The following CD99L2 variants were observed in gnomAD, a reference collection of about 807,000 sequenced individuals.
CD99L2 encodes the protein CD99 antigen-like protein 2.
In CD99L2, 24 loss-of-function variants were observed where a neutral mutation model predicts 27.3. That is an observed-to-expected ratio of 0.88 (90% CI 0.64 to 1.24). The LOEUF is 1.24. Among genes scored for constraint, CD99L2 ranks in the 50% most tolerant of loss-of-function variants. The probability of loss-of-function intolerance (pLI) is 0.00; values close to 1 mark genes in which losing one functional copy is unlikely to be tolerated. For synonymous variants in CD99L2, 97 were observed against 87.9 expected, an observed-to-expected ratio of 1.10 and a Z score of -0.58; for missense variants, 255 against 221.6, an observed-to-expected ratio of 1.15 and a Z score of -0.96.
At chrX:150,791,177 T>C (rs1349003187) in intron 7 of CD99L2, among the ~76,000 whole-genome samples, 3 of 112,162 alleles carry the variant, frequency 2.7e-5, no homozygotes, top group Non-Finnish European at 5.6e-5. Context: ...GTTGCTTAAT[T>C]ATCACCCAGT....
At chrX:150,835,193 TTAA>T (rs1239669778) in intron 1 of CD99L2, among the ~76,000 whole-genome samples, 6 of 111,948 alleles carry the variant, frequency 5.4e-5, no homozygotes, top group Non-Finnish European at 9.4e-5. Context: ...GTGACCACAA[TTAA>T]TAATAATGTA....
chrX:150,886,564 A>G (rs782228107), intron 1 of CD99L2, among the ~76,000 whole-genome samples: 26 of 112,471 alleles, frequency 2.3e-4, no homozygotes, highest in Admixed American at 1.9e-4. Context: ...ATCACATGAC[A>G]TTTCTCAGAA....
intron 2 of CD99L2, among the ~76,000 whole-genome samples, chrX:150,817,429 C>T (rs782115806): frequency 1.8e-3 from 195 of 110,932 alleles, no homozygotes; most frequent in African/African-American, 5.6e-3. Context: ...AGTGTGGTTA[C>T]TACTGGAAAT....
At chrX:150,896,041 A>AAAAAAAC (rs1441535213) in intron 1 of CD99L2, among the ~76,000 whole-genome samples, 1 of 108,312 alleles carries the variant, frequency 9.2e-6, no homozygotes, top group Non-Finnish European at 1.9e-5. Flanking sequence ...AAAAAAAAAA[A>AAAAAAAC]AAAAAGATCC....
At chrX:150,863,504 A>G (rs1162390870) in intron 1 of CD99L2, among the ~76,000 whole-genome samples, 5 of 112,411 alleles carry the variant, frequency 4.4e-5, no homozygotes, top group Non-Finnish European at 9.4e-5. Context: ...TCTTGTAGCA[A>G]TGGCTCCAAG....
chrX:150,768,376 C>CA lies in CD99L2; in HGVS notation c.*657dup, dbSNP rs1439770097. On this transcript the variant is annotated 3_prime_UTR_variant, in exon 11 of 11. Transcript: ENST00000370377. Reference sequence around the variant, plus strand: ...TCCTAAGCTCTCAAGGCAGGACTATCACGAGATGCATGTTTGTACTTAAAT... The same window carrying CA: ...TCCTAAGCTCTCAAGGCAGGACTATCAACGAGATGCATGTTTGTACTTAAAT... The CA allele has an allele frequency of 1.8e-5, 2 of 112,922 alleles. No homozygotes were observed. Among genetic ancestry groups the CA allele is most frequent in the Non-Finnish European group, 3.7e-5 (2 of 53,390 alleles). The allele number at this position is 112,922 out of a possible 1,213,427, so 9.3% of individuals were successfully genotyped here.
chrX:150,828,607 A>G (rs1199350736), intron 2 of CD99L2: 7 of 111,988 alleles, frequency 6.3e-5, no homozygotes, highest in Non-Finnish European at 1.1e-4. Context: ...GAATGTGAAC[A>G]ATTTACCAAA....
intron 1 of CD99L2, among the ~76,000 whole-genome samples, chrX:150,870,408 C>T: frequency 8.9e-6 from 1 of 111,871 alleles, no homozygotes; most frequent in Non-Finnish European, 1.9e-5. Flanking sequence ...CTTCATGGTA[C>T]TAAACTGCCA....
chrX:150,861,917 AAGAG>A (rs34407146), intron 1 of CD99L2, among the ~76,000 whole-genome samples: 17,189 of 103,039 alleles, frequency 0.17, 1,200 homozygotes, highest in African/African-American at 0.21. Context: ...AAAAAAAAAA[AAGAG>A]AGAGAGAGAG....
rs188807847 is a variant in CD99L2 at position 150,881,967 on chromosome X, G to A, written c.67+16555C>T. Reference sequence around the variant, plus strand: ...TGAGTAGCTGGGACTACAGGCGCCCGCCAACACGCCCAGCTAATTTTTATA... The same window carrying A: ...TGAGTAGCTGGGACTACAGGCGCCCACCAACACGCCCAGCTAATTTTTATA... On this transcript the variant is annotated intron_variant, in intron 1 of 10. Transcript: ENST00000370377. 5.1e-3 allele frequency among the ~76,000 whole-genome samples: 565 copies of A among 110,226 alleles called. 7 individuals are homozygous for A. The highest frequency in any genetic ancestry group is 0.014 in the Middle Eastern group (3 of 215).
intron 7 of CD99L2, among the ~76,000 whole-genome samples, chrX:150,783,035 AG>A (rs1447609472): frequency 9.1e-6 from 1 of 109,642 alleles, no homozygotes; most frequent in Non-Finnish European, 1.9e-5. Context: ...AGCCATAAAA[AG>A]GAAGGAAATG....
intron 4 of CD99L2, among the ~76,000 whole-genome samples, chrX:150,800,710 G>C (rs2124137386): frequency 9.0e-6 from 1 of 111,206 alleles, no homozygotes; most frequent in East Asian, 2.8e-4. Flanking sequence ...GGTTAAAACA[G>C]TAGATTTTAT....
intron 1 of CD99L2, among the ~76,000 whole-genome samples, chrX:150,836,451 C>A (rs1326887598): frequency 1.8e-5 from 2 of 108,636 alleles, no homozygotes; most frequent in Non-Finnish European, 3.9e-5. Context: ...CCTCAGCCCC[C>A]CAAGTAGCTG....
At chrX:150,891,721 T>C (rs781901264) in intron 1 of CD99L2, among the ~76,000 whole-genome samples, 1 of 111,644 alleles carries the variant, frequency 9.0e-6, no homozygotes, top group African/African-American at 3.3e-5. Context: ...ATGTGGAACA[T>C]GTGCCTACAT....
chrX:150,875,516 C>T (rs975927134), intron 1 of CD99L2, among the ~76,000 whole-genome samples: 4 of 111,904 alleles, frequency 3.6e-5, no homozygotes, highest in Admixed American at 9.5e-5. Context: ...CTCTCTCCCA[C>T]CTCCTCTTTC....
At chrX:150,882,016 C>G (rs782637606) in intron 1 of CD99L2, among the ~76,000 whole-genome samples, 1 of 110,246 alleles carries the variant, frequency 9.1e-6, no homozygotes, top group South Asian at 3.9e-4. Flanking sequence ...CGGGGTTTCA[C>G]CATGTTGGCC....
intron 3 of CD99L2, among the ~76,000 whole-genome samples, chrX:150,815,639 C>T (rs189895319): frequency 9.6e-4 from 108 of 112,285 alleles, no homozygotes; most frequent in African/African-American, 3.4e-3. Flanking sequence ...TGAAAGATGA[C>T]ACTGTAAAAT....
At chrX:150,769,570 C>G (rs1431604702) in intron 10 of CD99L2, among the ~76,000 whole-genome samples, 5 of 112,461 alleles carry the variant, frequency 4.4e-5, no homozygotes, top group African/African-American at 1.6e-4. Flanking sequence ...GCTCCCAGTA[C>G]ACACCACACA....
intron 7 of CD99L2, among the ~76,000 whole-genome samples, chrX:150,786,028 C>T (rs1339297185): frequency 3.6e-5 from 4 of 111,320 alleles, no homozygotes; most frequent in South Asian, 3.8e-4. Flanking sequence ...ATTGCTGGGT[C>T]GCTAGGTAGG....
Sources: gnomAD v4.1 joint callset for allele counts (sites outside exome capture counted in the v4.1 genomes callset) on GRCh38, gnomAD v4.1.1 for gene constraint, MANE v1.5 for transcripts, NCBI Gene and HGNC (gene_info 2026-07-23, HGNC 2026-07-21) for gene names.